The following NAPB variants were observed in gnomAD, a reference collection of about 807,000 sequenced individuals.
NAPB encodes the protein NSF attachment protein beta.
Under a neutral mutation model 44.7 loss-of-function variants are expected in NAPB, and 26 were observed. The ratio of observed to expected loss-of-function variants is 0.58; its 90% CI spans 0.43 to 0.81. The LOEUF (loss-of-function observed/expected upper bound fraction) is 0.81. NAPB is among the 30% of genes least tolerant of loss of function. The pLI, the probability that NAPB is intolerant of heterozygous loss-of-function variation, is 0.00. For synonymous variants in NAPB, 120 were observed against 116.8 expected (o/e 1.03, Z -0.18); for missense variants, 315 against 356.4 (o/e 0.88, Z 0.94).
Position 23,379,863 on chromosome 20 carries a change from T to G in NAPB, c.735+4A>C. 6.2e-7 allele frequency: 1 copy of G among 1,602,460 alleles called. No homozygotes were observed. On this transcript the variant is annotated splice_donor_region_variant and intron_variant, in intron 9 of 10. Transcript: ENST00000377026. ...TTTTTCTTCAAAGTTCTAATATTAC[T>G]TACTTTCAATAATTTACATTCTCTT...
At chr20:23,419,546 C>A (rs1986243124) in intron 1 of NAPB, among the ~76,000 whole-genome samples, 1 of 152,188 alleles carries the variant, frequency 6.6e-6, no homozygotes, top group Non-Finnish European at 1.5e-5. Context: ...GGAAGCACTT[C>A]CTGACTTGAA....
At chr20:23,417,286 G>T (rs941909590) in intron 1 of NAPB, among the ~76,000 whole-genome samples, 1 of 152,084 alleles carries the variant, frequency 6.6e-6, no homozygotes, top group Admixed American at 6.5e-5. Context: ...GTTTCATCAT[G>T]TTGGCTAGGC....
Position 23,377,468 on chromosome 20 carries a change from T to C in NAPB, c.805A>G (p.Ile269Val), listed in dbSNP as rs980526318. 5 of 1,600,654 alleles carry C rather than the reference T, an allele frequency of 3.1e-6. No homozygotes were observed. Among genetic ancestry groups the C allele is most frequent in the African/African-American group, 1.3e-5 (1 of 74,796 alleles). Reference protein sequence around the residue: ...YTEAVKEFDSISRLDQWLTTM... With the variant: ...YTEAVKEFDSVSRLDQWLTTM... ...GTCAGCCACTGATCCAAGCGAGATA[T>C]TGAGTCAAATTCCTTCACCTAGTAT... The change falls in exon 11 of 11, where the codon ATA becomes GTA. Residue 269 changes from isoleucine (I) to valine (V), a missense_variant. By Grantham distance (29) the Ile-to-Val change is conservative. Coordinates refer to ENST00000377026, the MANE Select transcript of NAPB (RefSeq NM_022080.3).
intron 1 of NAPB, 26 bp downstream of exon 1, chr20:23,421,279 C>T (rs1264963921): frequency 1.4e-6 from 2 of 1,400,088 alleles, no homozygotes; most frequent in African/African-American, 1.6e-5. Flanking sequence ...CCCCCCCCCC[C>T]AGGGCACGCA....
intron 2 of NAPB, 100 bp from the exon 3 acceptor site, chr20:23,397,288 A>T: frequency 2.9e-6 from 4 of 1,378,212 alleles, no homozygotes; most frequent in Non-Finnish European, 3.9e-6. Flanking sequence ...TATTCCACTG[A>T]AAAGAAGCAT....
intron 7 of NAPB, among the ~76,000 whole-genome samples, chr20:23,387,159 G>A (rs576865492): frequency 1.3e-5 from 2 of 152,010 alleles, no homozygotes; most frequent in Non-Finnish European, 2.9e-5. Flanking sequence ...ATAGACACAG[G>A]AAAATGCCTG....
chr20:23,407,869 C>G (rs1395731583), intron 1 of NAPB, among the ~76,000 whole-genome samples: 1 of 152,198 alleles, frequency 6.6e-6, no homozygotes, highest in East Asian at 1.9e-4. Flanking sequence ...ATCTTGATTT[C>G]CCCCATCCTG....
At position 23,385,566 on chromosome 20, in the gene NAPB, C is replaced by A. The variant is rs112800511; in HGVS notation, c.562-4249G>T. Among the ~76,000 whole-genome samples the A allele has an allele frequency of 6.4e-3, 972 of 151,958 alleles. 10 individuals are homozygous for A. The highest frequency in any genetic ancestry group is 0.022 in the African/African-American group (894 of 41,458). On this transcript the variant is annotated intron_variant, in intron 7 of 10. Coordinates refer to ENST00000377026, the MANE Select transcript of NAPB (RefSeq NM_022080.3). ...TTTGAGGCCAGGAATTCGAGACCAG[C>A]CTAGCCAACATGGCACACACCTGTA...
chr20:23,409,128 C>T (rs1002347501), intron 1 of NAPB, among the ~76,000 whole-genome samples: 7 of 152,212 alleles, frequency 4.6e-5, no homozygotes, highest in African/African-American at 1.4e-4. Context: ...GCAGCCAGGC[C>T]TGTCTTGGCC....
chr20:23,397,076 G>A lies in NAPB; in HGVS notation c.291C>T (p.Pro97=), dbSNP rs1984421564. ...DAGNAYKKAD[P]QEAINCLNAA... Reference sequence around the variant, plus strand: ...CTACATGCCTGGCTGTCTTACCTTGGGGATCTGCCTTTTTGTAAGCATTTC... The same window carrying A: ...CTACATGCCTGGCTGTCTTACCTTGAGGATCTGCCTTTTTGTAAGCATTTC... The change falls in exon 3 of 11, where the codon CCC becomes CCT. Residue 97 remains proline, a synonymous_variant. Coordinates refer to ENST00000377026, the MANE Select transcript of NAPB (RefSeq NM_022080.3). 1 of 1,612,532 alleles carries A rather than the reference G, an allele frequency of 6.2e-7. No homozygotes were observed. Among genetic ancestry groups the A allele is most frequent in the Non-Finnish European group, 8.5e-7 (1 of 1,178,792 alleles).
intron 1 of NAPB, among the ~76,000 whole-genome samples, 165 bp downstream of exon 1, chr20:23,421,139 TG>T (rs1431766309): frequency 6.8e-6 from 1 of 147,150 alleles, no homozygotes; most frequent in Non-Finnish European, 1.5e-5. Flanking sequence ...CAGGGGGCGC[TG>T]GGGGACCCTA....
chr20:23,394,856 G>A (rs1056814587), intron 5 of NAPB, 66 bp downstream of exon 5: 7 of 1,471,936 alleles, frequency 4.8e-6, no homozygotes, highest in Admixed American at 1.7e-5. Context: ...AGACTGAGGA[G>A]AGGAGAGTTC....
chr20:23,404,590 T>C (rs1387096762), intron 1 of NAPB, among the ~76,000 whole-genome samples: 1 of 152,166 alleles, frequency 6.6e-6, no homozygotes, highest in East Asian at 1.9e-4. Flanking sequence ...GAAGATAATG[T>C]ATACCTAGGA....
At position 23,405,593 on chromosome 20, in the gene NAPB, G is replaced by T. The variant is rs142086493; in HGVS notation, c.99-2521C>A. Among the ~76,000 whole-genome samples, 638 of 151,958 alleles carry T rather than the reference G, an allele frequency of 4.2e-3. 4 individuals carry two copies. Among genetic ancestry groups the T allele is most frequent in the African/African-American group, 0.013 (557 of 41,418 alleles). The stretch of plus-strand genomic sequence containing the variant: ...ACAAAAATTAGCTGGGCATGGTGGC[G>T]GGTGCCTGCAGTCCCAGCTACACAG... On this transcript the variant is annotated intron_variant, in intron 1 of 10. Coordinates refer to ENST00000377026, the MANE Select transcript of NAPB (RefSeq NM_022080.3).
At chr20:23,385,753 GAA>G (rs1983461152) in intron 7 of NAPB, among the ~76,000 whole-genome samples, 3 of 148,232 alleles carry the variant, frequency 2.0e-5, no homozygotes, top group African/African-American at 7.5e-5. Context: ...GAGAGAGAGA[GAA>G]AGAGAGAAAG....
chr20:23,421,453 A>G lies in NAPB; in HGVS notation c.-51T>C, dbSNP rs906859661. 5.3e-6 allele frequency: 8 copies of G among 1,507,924 alleles called. No individual in the cohort carries two copies. The highest frequency in any genetic ancestry group is 1.2e-5 in the South Asian group (1 of 82,328). The allele number at this position is 1,507,924 out of a possible 1,614,324, so 93.4% of individuals were successfully genotyped here. On this transcript the variant is annotated 5_prime_UTR_variant, in exon 1 of 11. Transcript: ENST00000377026. ...CCCTCAGCCGGCTCGCTGTGCGCCCAGGCGCCTTAACCCTCCCTCTGGCGG... is the reference window on the plus strand; with the variant it reads ...CCCTCAGCCGGCTCGCTGTGCGCCCGGGCGCCTTAACCCTCCCTCTGGCGG...
At chr20:23,384,025 C>T (rs1332930305) in intron 7 of NAPB, among the ~76,000 whole-genome samples, 1 of 152,188 alleles carries the variant, frequency 6.6e-6, no homozygotes, top group Non-Finnish European at 1.5e-5. Context: ...ATTGATTCTC[C>T]AACAACACTG....
intron 2 of NAPB, among the ~76,000 whole-genome samples, chr20:23,402,461 A>C (rs765324649): frequency 2.0e-5 from 3 of 152,212 alleles, no homozygotes; most frequent in Non-Finnish European, 4.4e-5. Flanking sequence ...TTTAAAAAAT[A>C]ACCAAGAGTC....
chr20:23,391,872 A>G (rs1055082980), intron 5 of NAPB, among the ~76,000 whole-genome samples: 1 of 152,380 alleles, frequency 6.6e-6, no homozygotes, highest in African/African-American at 2.4e-5. Context: ...AAGGTTTCAC[A>G]GCAAATGCAA....
Sources: allele counts gnomAD v4.1 joint callset (sites outside exome capture counted in the v4.1 genomes callset), GRCh38; gene constraint gnomAD v4.1.1; transcripts MANE v1.5; gene names NCBI Gene and HGNC (gene_info 2026-07-23, HGNC 2026-07-21).